The following METTL25 variants were observed in gnomAD, a reference collection of about 807,000 sequenced individuals.
The protein encoded by METTL25 is methyltransferase like 25, also known as probable methyltransferase-like protein 25.
Under a neutral mutation model 71.6 loss-of-function variants are expected in METTL25, and 64 were observed. The ratio of observed to expected loss-of-function variants is 0.89; its 90% CI spans 0.73 to 1.10. METTL25 has a LOEUF of 1.10. Ranked by LOEUF, METTL25 falls within the 50% of genes least tolerant of loss-of-function variation. The pLI is 0.00. For synonymous variants in METTL25, 287 were observed against 250.3 expected, an observed-to-expected ratio of 1.15 and a Z score of -1.38; for missense variants, 807 against 707.0, an observed-to-expected ratio of 1.14 and a Z score of -1.60.
chr12:82,360,913 C>T (rs1168108477), intron 1 of METTL25, among the ~76,000 whole-genome samples: 1 of 152,114 alleles, frequency 6.6e-6, no homozygotes, highest in Non-Finnish European at 1.5e-5. Flanking sequence ...TTCGTGGTCT[C>T]GCTGGCTTCA....
At chr12:82,392,376 A>G (rs1885677564) in intron 3 of METTL25, among the ~76,000 whole-genome samples, 1 of 150,546 alleles carries the variant, frequency 6.6e-6, no homozygotes, top group Non-Finnish European at 1.5e-5. Flanking sequence ...TGTTCTTGTG[A>G]TAGTTTACTG....
chr12:82,448,821 G>GC (rs1592742294), intron 8 of METTL25, among the ~76,000 whole-genome samples: 1 of 151,712 alleles, frequency 6.6e-6, no homozygotes, highest in African/African-American at 2.4e-5. Context: ...AAAATTTTAT[G>GC]TTGATCTTTT....
intron 7 of METTL25, among the ~76,000 whole-genome samples, chr12:82,436,308 C>T (rs980233234): frequency 7.3e-5 from 11 of 151,382 alleles, no homozygotes; most frequent in African/African-American, 2.7e-4. Flanking sequence ...GTCTGATACA[C>T]ATGCTTTAAG....
intron 8 of METTL25, chr12:82,451,203 G>T (rs541010332): frequency 2.1e-5 from 13 of 618,514 alleles, no homozygotes; most frequent in Non-Finnish European, 2.6e-5. Context: ...GGGAAGAAAA[G>T]AATTTCTTAA....
At chr12:82,420,974 G>A (rs1021591461) in intron 5 of METTL25, among the ~76,000 whole-genome samples, 1 of 152,004 alleles carries the variant, frequency 6.6e-6, no homozygotes, top group Non-Finnish European at 1.5e-5. Flanking sequence ...AGATTCTCCT[G>A]CCTCAGCCTC....
At chr12:82,467,977 A>AT (rs984880238) in intron 9 of METTL25, among the ~76,000 whole-genome samples, 2 of 150,680 alleles carry the variant, frequency 1.3e-5, no homozygotes, top group Admixed American at 1.3e-4. Flanking sequence ...GCTTTTTTTT[A>AT]TTTTTTTGTT....
At chr12:82,371,019 A>G (rs1160741854) in intron 1 of METTL25, among the ~76,000 whole-genome samples, 3 of 152,350 alleles carry the variant, frequency 2.0e-5, no homozygotes, top group African/African-American at 7.2e-5. Flanking sequence ...TCCATATTGC[A>G]ACATGGGCAT....
intron 5 of METTL25, among the ~76,000 whole-genome samples, chr12:82,414,488 A>C (rs1301377975): frequency 1.3e-5 from 2 of 152,126 alleles, no homozygotes; most frequent in Non-Finnish European, 2.9e-5. Context: ...TTTTGCGACT[A>C]ATAGAAAGTG....
At chr12:82,441,186 T>A (rs1284858360) in intron 8 of METTL25, among the ~76,000 whole-genome samples, 1 of 151,978 alleles carries the variant, frequency 6.6e-6, no homozygotes, top group Admixed American at 6.6e-5. Flanking sequence ...TATCTCAAGC[T>A]GCAATTAAAG....
At chr12:82,387,899 T>C (rs1885203736) in intron 2 of METTL25, among the ~76,000 whole-genome samples, 1 of 152,122 alleles carries the variant, frequency 6.6e-6, no homozygotes, top group Admixed American at 6.6e-5. Flanking sequence ...TAATAAGCAG[T>C]CTCTATTCAA....
Position 82,399,019 on chromosome 12 carries a change from T to G in METTL25, c.756T>G (p.Val252=), listed in dbSNP as rs1250130924. 1 of 1,609,466 alleles carries G rather than the reference T, an allele frequency of 6.2e-7. No homozygotes were observed. Among genetic ancestry groups the G allele is most frequent in the Admixed American group, 1.7e-5 (1 of 59,388 alleles). The change falls in exon 4 of 12, where the codon GTT becomes GTG. Residue 252 remains valine (V), a synonymous_variant. Coordinates refer to ENST00000248306, the MANE Select transcript of METTL25 (RefSeq NM_032230.3). Reference sequence around the variant, plus strand: ...AAGAAAGGAAAGTGCAAAATAAAGTTAAAAATAAAGCTGATACTGAGGAAG... The same window carrying G: ...AAGAAAGGAAAGTGCAAAATAAAGTGAAAAATAAAGCTGATACTGAGGAAG... The part of the protein sequence containing the change: ...MAKERKVQNK[V]KNKADTEEVF...
chr12:82,416,596 A>C (rs1299326079), intron 5 of METTL25, among the ~76,000 whole-genome samples: 3 of 151,774 alleles, frequency 2.0e-5, no homozygotes, highest in Non-Finnish European at 4.4e-5. Context: ...GCGTGACACC[A>C]CACCTGGTCA....
chr12:82,425,230 G>A (rs898050138), intron 5 of METTL25, among the ~76,000 whole-genome samples: 1 of 151,984 alleles, frequency 6.6e-6, no homozygotes, highest in Non-Finnish European at 1.5e-5. Flanking sequence ...AAAAGCAGTA[G>A]GACCCAGCAG....
chr12:82,358,559 G>C lies in METTL25; in HGVS notation c.-7G>C. ...TGCGCCACCTACAGCCTCGGAGGGT[G>C]AGCGTCATGGCGGCTTCTTGCCCTC... On this transcript the variant is annotated 5_prime_UTR_variant, in exon 1 of 12. Transcript: ENST00000248306. 3 of 1,609,030 alleles carry C rather than the reference G, an allele frequency of 1.9e-6. No homozygotes were observed. Among genetic ancestry groups the C allele is most frequent in the Non-Finnish European group, 2.5e-6 (3 of 1,179,172 alleles).
At chr12:82,363,747 G>GATT (rs1882232062) in intron 1 of METTL25, among the ~76,000 whole-genome samples, 1 of 147,188 alleles carries the variant, frequency 6.8e-6, no homozygotes, top group Non-Finnish European at 1.5e-5. Context: ...AAAAAAAAAG[G>GATT]AAAGTGTGAC....
intron 8 of METTL25, among the ~76,000 whole-genome samples, chr12:82,440,795 C>A (rs573445815): frequency 6.6e-6 from 1 of 151,898 alleles, no homozygotes; most frequent in Non-Finnish European, 1.5e-5. Context: ...TGTGCACATG[C>A]GTGTGTGTGT....
At chr12:82,412,680 A>C (rs1357930910) in intron 5 of METTL25, among the ~76,000 whole-genome samples, 1 of 152,160 alleles carries the variant, frequency 6.6e-6, no homozygotes, top group East Asian at 1.9e-4. Context: ...ACCAAATAGT[A>C]TTTGGCATAT....
At chr12:82,374,767 G>C (rs945415434) in intron 1 of METTL25, among the ~76,000 whole-genome samples, 1 of 152,168 alleles carries the variant, frequency 6.6e-6, no homozygotes, top group African/African-American at 2.4e-5. Flanking sequence ...TAGAAACATG[G>C]AGCAAAGTAT....
intron 10 of METTL25, 128 bp from the exon 11 acceptor site, chr12:82,477,153 C>G (rs946852813): frequency 3.1e-5 from 15 of 486,586 alleles, no homozygotes; most frequent in Non-Finnish European, 5.1e-5. Flanking sequence ...GAAGATGTAC[C>G]TGGATTTTGG....
Sources: allele counts gnomAD v4.1 joint callset (sites outside exome capture counted in the v4.1 genomes callset), GRCh38; gene constraint gnomAD v4.1.1; transcripts MANE v1.5; gene names NCBI Gene and HGNC (gene_info 2026-07-23, HGNC 2026-07-21).